Variants in EDIL3 observed in about 807,000 individuals in gnomAD.
EDIL3 encodes the protein EGF like and discoidin domains 3.
EDIL3 carries 37 observed loss-of-function variants against 67.4 expected under a neutral mutation model. That is an observed-to-expected ratio of 0.55 (90% CI 0.42 to 0.72). The LOEUF (loss-of-function observed/expected upper bound fraction) is 0.72, where lower values mean the gene tolerates loss of function less well. EDIL3 is among the 30% of genes least tolerant of loss of function. EDIL3 has a pLI of 0.00. For missense variants in EDIL3, 527 were observed against 586.3 expected (o/e 0.90, Z 1.04); for synonymous variants, 195 against 196.3 (o/e 0.99, Z 0.05).
At chr5:84,039,848 C>T (rs777160815) in intron 9 of EDIL3, among the ~76,000 whole-genome samples, 7 of 151,792 alleles carry the variant, frequency 4.6e-5, no homozygotes, top group African/African-American at 1.2e-4. Context: ...AAAATATTCA[C>T]CATTTATAAT....
chr5:84,054,699 C>G (rs1043433726), intron 9 of EDIL3, among the ~76,000 whole-genome samples: 2 of 152,020 alleles, frequency 1.3e-5, no homozygotes, highest in Non-Finnish European at 2.9e-5. Flanking sequence ...TGAGTGAACT[C>G]CCATTCACAA....
chr5:84,058,211 G>T (rs1454651498), intron 9 of EDIL3, among the ~76,000 whole-genome samples: 1 of 151,974 alleles, frequency 6.6e-6, no homozygotes, highest in East Asian at 1.9e-4. Context: ...AGAAGAGTAG[G>T]GTAAGAAACG....
intron 9 of EDIL3, among the ~76,000 whole-genome samples, chr5:83,978,386 T>G (rs1022447174): frequency 1.3e-5 from 2 of 151,958 alleles, no homozygotes; most frequent in African/African-American, 4.8e-5. Context: ...ATAACATATG[T>G]CATAAATGAG....
intron 9 of EDIL3, among the ~76,000 whole-genome samples, chr5:84,026,913 G>A (rs1004585117): frequency 3.3e-5 from 5 of 151,874 alleles, no homozygotes; most frequent in Admixed American, 6.6e-5. Context: ...GGCAAAACCC[G>A]TCTCTACTTA....
In EDIL3 at chr5:84,268,099, T is replaced by C. The variant is rs537432962; in HGVS notation, c.68-13887A>G. Among the ~76,000 whole-genome samples, 11 of 152,226 alleles carry C rather than the reference T, an allele frequency of 7.2e-5. No homozygotes were observed. In the South Asian group the frequency reaches 2.3e-3, roughly 32 times the overall value. On this transcript the variant is annotated intron_variant, in intron 1 of 10. Transcript: ENST00000296591. ...TTGCAGTGAGCCAAGATCGCGCCAC[T>C]GCACTCCAAGCTGGGTGACAGAGTG... is the stretch of plus-strand genomic sequence containing the variant.
At chr5:84,342,213 A>C (rs12153600) in intron 1 of EDIL3, among the ~76,000 whole-genome samples, 13,782 of 152,112 alleles carry the variant, frequency 0.091, 790 homozygotes, top group South Asian at 0.21. Flanking sequence ...CAGATACATG[A>C]GTGGAATTGG....
At chr5:84,268,562 T>C (rs1745396556) in intron 1 of EDIL3, among the ~76,000 whole-genome samples, 1 of 152,206 alleles carries the variant, frequency 6.6e-6, no homozygotes, top group Non-Finnish European at 1.5e-5. Flanking sequence ...TAGTTTTTAA[T>C]TCATTAATGT....
At chr5:84,279,161 A>C (rs1745648561) in intron 1 of EDIL3, among the ~76,000 whole-genome samples, 1 of 152,158 alleles carries the variant, frequency 6.6e-6, no homozygotes. Flanking sequence ...CATGAAAGAA[A>C]ATTTATTCGA....
intron 1 of EDIL3, among the ~76,000 whole-genome samples, chr5:84,361,832 G>A (rs1440558194): frequency 6.6e-6 from 1 of 151,816 alleles, no homozygotes; most frequent in Admixed American, 6.6e-5. Context: ...TTAAAACAAA[G>A]TAATGTATGA....
intron 4 of EDIL3, among the ~76,000 whole-genome samples, chr5:84,177,551 T>C (rs542133670): frequency 5.3e-5 from 8 of 152,226 alleles, no homozygotes; most frequent in Middle Eastern, 3.4e-3. Flanking sequence ...AACTATACAA[T>C]ACAAAGAGTG....
At chr5:84,291,860 A>C (rs76105759) in intron 1 of EDIL3, among the ~76,000 whole-genome samples, 6,350 of 150,378 alleles carry the variant, frequency 0.042, 179 homozygotes, top group Middle Eastern at 0.092. Flanking sequence ...CAGGCCCTGG[A>C]TATATAGAAA....
intron 6 of EDIL3, among the ~76,000 whole-genome samples, chr5:84,073,687 G>A (rs921343810): frequency 2.0e-5 from 3 of 151,410 alleles, no homozygotes; most frequent in Non-Finnish European, 4.4e-5. Context: ...ACTGCTCAAT[G>A]AAATAAAAGA....
chr5:84,368,503 A>G (rs1467633184), intron 1 of EDIL3, among the ~76,000 whole-genome samples: 1 of 152,158 alleles, frequency 6.6e-6, no homozygotes, highest in Non-Finnish European at 1.5e-5. Flanking sequence ...ATATAAATCT[A>G]AGATCTAAAA....
At chr5:84,077,601 TCATGAGAACAG>T (rs1172885573) in intron 6 of EDIL3, among the ~76,000 whole-genome samples, 8 of 152,056 alleles carry the variant, frequency 5.3e-5, no homozygotes, top group Non-Finnish European at 7.4e-5. Context: ...TTATCCACTA[TCATGAGAACAG>T]CATGAGAACA....
At chr5:84,320,043 C>T (rs750323109) in intron 1 of EDIL3, among the ~76,000 whole-genome samples, 22 of 152,030 alleles carry the variant, frequency 1.4e-4, no homozygotes, top group Non-Finnish European at 2.9e-4. Flanking sequence ...GGAGAAATAC[C>T]TAATGTAAAT....
At chr5:84,052,041 G>A (rs1441228751) in intron 9 of EDIL3, among the ~76,000 whole-genome samples, 3 of 152,176 alleles carry the variant, frequency 2.0e-5, no homozygotes, top group African/African-American at 7.2e-5. Flanking sequence ...AGGAAAAAAC[G>A]TTAAGGGCAG....
At chr5:84,105,354 T>A (rs902859496) in intron 6 of EDIL3, among the ~76,000 whole-genome samples, 3 of 152,020 alleles carry the variant, frequency 2.0e-5, no homozygotes, top group African/African-American at 7.2e-5. Context: ...TAGAGCTCTA[T>A]AGATAAAAGA....
intron 1 of EDIL3, among the ~76,000 whole-genome samples, chr5:84,377,249 C>T (rs1187072252): frequency 6.7e-6 from 1 of 148,920 alleles, no homozygotes; most frequent in South Asian, 2.1e-4. Flanking sequence ...GGAGGCGGAG[C>T]TTGCAGTGAG....
chr5:84,292,577 A>G (rs1745945092), intron 1 of EDIL3, among the ~76,000 whole-genome samples: 1 of 152,202 alleles, frequency 6.6e-6, no homozygotes, highest in Non-Finnish European at 1.5e-5. Context: ...GTTTATTGTT[A>G]ATGTTTGAAA....
Sources: gnomAD v4.1 joint callset for allele counts (sites outside exome capture counted in the v4.1 genomes callset) on GRCh38, gnomAD v4.1.1 for gene constraint, MANE v1.5 for transcripts, NCBI Gene and HGNC (gene_info 2026-07-23, HGNC 2026-07-21) for gene names.